SCN9A: variants seen among roughly 807,000 people sequenced by gnomAD.
SCN9A encodes sodium voltage-gated channel alpha subunit 9.
In SCN9A, 131 loss-of-function variants were observed where a neutral mutation model predicts 187.0. The observed-to-expected ratio is 0.70, with a 90% CI of 0.61 to 0.81. SCN9A has a LOEUF of 0.81. Ranked by LOEUF, SCN9A falls within the 30% of genes least tolerant of loss-of-function variation. The probability of loss-of-function intolerance (pLI) is 0.00; values close to 1 mark genes in which losing one functional copy is unlikely to be tolerated. For synonymous variants in SCN9A, 809 were observed against 808.6 expected (o/e 1.00, Z -0.01); for missense variants, 2,252 against 2,396.6 (o/e 0.94, Z 1.26).
chr2:166,358,162 T>C (rs909208873), intron 1 of SCN9A, among the ~76,000 whole-genome samples: 1 of 151,600 alleles, frequency 6.6e-6, no homozygotes, highest in Non-Finnish European at 1.5e-5. Context: ...ATCTGCCTCC[T>C]GGGTTCAAGC....
chr2:166,340,004 G>A (rs892340104), intron 1 of SCN9A, among the ~76,000 whole-genome samples: 3 of 152,100 alleles, frequency 2.0e-5, no homozygotes, highest in East Asian at 3.9e-4. Flanking sequence ...GAAGTTACAC[G>A]GGTAGTCTGT....
chr2:166,295,815 A>G (rs1011029731), intron 7 of SCN9A, among the ~76,000 whole-genome samples: 6 of 152,296 alleles, frequency 3.9e-5, no homozygotes, highest in African/African-American at 1.4e-4. Flanking sequence ...CAGATTTTCC[A>G]TGTTTCACCT....
At chr2:166,348,243 T>C (rs1380641436) in intron 1 of SCN9A, among the ~76,000 whole-genome samples, 1 of 129,914 alleles carries the variant, frequency 7.7e-6, no homozygotes, top group East Asian at 2.1e-4. Context: ...TCTTCCAACA[T>C]TAAAAAAAAA....
intron 1 of SCN9A, among the ~76,000 whole-genome samples, chr2:166,351,752 A>G (rs1225180087): frequency 6.6e-6 from 1 of 152,162 alleles, no homozygotes. Flanking sequence ...GGCTAACTTT[A>G]ATTACTATAG....
Position 166,257,038 on chromosome 2 carries a change from T to C in SCN9A, c.3352-5153A>G, listed in dbSNP as rs77501344. On this transcript the variant is annotated intron_variant, in intron 17 of 26. Transcript: ENST00000642356. ...CCTATAGTATCATCTTGAAGCATCTTTCTAATGAAAAGAAGAGAAGCAAAG... is the reference window on the plus strand; with the variant it reads ...CCTATAGTATCATCTTGAAGCATCTCTCTAATGAAAAGAAGAGAAGCAAAG... Among the ~76,000 whole-genome samples, 1,103 of 151,750 alleles carry C rather than the reference T, an allele frequency of 7.3e-3. 13 individuals are homozygous for C. Among genetic ancestry groups the C allele is most frequent in the Non-Finnish European group, 0.013 (911 of 67,738 alleles).
In SCN9A at chr2:166,311,985, C is replaced by T. The variant is rs537109464; in HGVS notation, c.-50-179G>A. ...CAGGCAATGGGCGGGACTTATCTTT[C>T]GTGCCTTCTAACCATCTTTATACTC... On this transcript the variant is annotated intron_variant, in intron 1 of 26. Coordinates refer to ENST00000642356, the MANE Select transcript of SCN9A (RefSeq NM_001365536.1). Among the ~76,000 whole-genome samples, 11 of 152,220 alleles carry T rather than the reference C, an allele frequency of 7.2e-5. No individual in the cohort carries two copies. The South Asian group carries it at 1.9e-3, about 26-fold the overall frequency.
chr2:166,233,457 A>T lies in SCN9A; in HGVS notation c.3807T>A (p.Ser1269=), dbSNP rs1272510761. 8 of 1,565,090 alleles carry T rather than the reference A, an allele frequency of 5.1e-6. No individual in the cohort carries two copies. Among genetic ancestry groups the T allele is most frequent in the Non-Finnish European group, 5.1e-6 (6 of 1,165,270 alleles). Residue 1269 remains serine (S), a synonymous_variant, in exon 21 of 27, where the codon TCT becomes TCA. Coordinates refer to ENST00000642356, the MANE Select transcript of SCN9A (RefSeq NM_001365536.1). ...GAGTGTTTGCCACTAAAGTAACCAA[A>T]GAAACCTATAAAAATAACATTTTCA... ...CWLDFLIVDV[S]LVTLVANTLG...
chr2:166,302,409 G>A (rs1332694480), intron 7 of SCN9A: 1 of 152,128 alleles, frequency 6.6e-6, no homozygotes, highest in East Asian at 1.9e-4. Context: ...ATGATCTCAT[G>A]TGGTACCTAC....
chr2:166,229,028 A>C (rs1346802691), intron 21 of SCN9A, 56 bp from the exon 22 acceptor site: 1 of 1,368,796 alleles, frequency 7.3e-7, no homozygotes, highest in African/African-American at 1.4e-5. Context: ...TTAAATAGGC[A>C]ACATGAAAGA....
At position 166,293,347 on chromosome 2, in the gene SCN9A, C is replaced by G; in HGVS notation, c.991G>C (p.Val331Leu). 6.2e-7 allele frequency: 1 copy of G among 1,609,562 alleles called. No individual in the cohort carries two copies. Among genetic ancestry groups the G allele is most frequent in the Non-Finnish European group, 8.5e-7 (1 of 1,177,848 alleles). The stretch of plus-strand genomic sequence containing the variant: ...TAATCAGGGTTTCTGCCAATTTTCA[C>G]ACAGGTGTACCCCTCTGGACACTGA... ...SGQCPEGYTC[V>L]KIGRNPDYGY... Residue 331 changes from valine to leucine, a missense_variant, in exon 9 of 27, where the codon GTG becomes CTG. Val to Leu is a conservative substitution (Grantham distance 32). This residue lies in a region of SCN9A where 1,013 missense variants were observed against 997.4 expected (regional missense o/e 1.02). Transcript: ENST00000642356.
chr2:166,329,568 G>GA (rs1404866541), intron 1 of SCN9A, among the ~76,000 whole-genome samples: 1 of 149,084 alleles, frequency 6.7e-6, no homozygotes, highest in Non-Finnish European at 1.5e-5. Flanking sequence ...GTTATTGTTG[G>GA]GGGGGGGTTG....
intron 1 of SCN9A, among the ~76,000 whole-genome samples, chr2:166,367,790 AG>A (rs1456368221): frequency 6.6e-6 from 1 of 152,194 alleles, no homozygotes; most frequent in Admixed American, 6.5e-5. Context: ...TTAAATGCAT[AG>A]GTACTCTTTT....
At chr2:166,238,303 A>G (rs924474131) in intron 19 of SCN9A, 36 bp from the exon 20 acceptor site, 7 of 1,310,420 alleles carry the variant, frequency 5.3e-6, no homozygotes, top group Non-Finnish European at 7.4e-6. Flanking sequence ...ATCATGCACA[A>G]CTTAAGCTTC....
intron 7 of SCN9A, among the ~76,000 whole-genome samples, chr2:166,300,637 T>A (rs1363571522): frequency 6.6e-6 from 1 of 150,924 alleles, no homozygotes; most frequent in Admixed American, 6.6e-5. Context: ...GGAAACCATG[T>A]AATAAACGCA....
At position 166,198,536 on chromosome 2, in the gene SCN9A, A is replaced by T. The variant is rs1177908841; in HGVS notation, c.*136T>A. ...CTAATGCTGCCCACCTTTCTTAGGA[A>T]ATCAGAGTTAGTGACTGCACTGCCT... is the stretch of plus-strand genomic sequence containing the variant. On this transcript the variant is annotated 3_prime_UTR_variant, in exon 27 of 27. Transcript: ENST00000642356. 4.6e-6 allele frequency: 3 copies of T among 651,832 alleles called. No homozygotes were observed. The highest frequency in any genetic ancestry group is 5.5e-5 in the East Asian group (2 of 36,542). The allele number at this position is 651,832 out of a possible 1,614,324, so 40.4% of individuals were successfully genotyped here.
chr2:166,368,982 G>C (rs1006190945), intron 1 of SCN9A, among the ~76,000 whole-genome samples: 8 of 148,540 alleles, frequency 5.4e-5, no homozygotes, highest in African/African-American at 2.0e-4. Flanking sequence ...AGTGAAACTC[G>C]GTCTCAAAAA....
At chr2:166,242,021 G>C (rs139941281) in intron 19 of SCN9A, among the ~76,000 whole-genome samples, 1 of 152,230 alleles carries the variant, frequency 6.6e-6, no homozygotes. Context: ...TATAGCTTCT[G>C]AGGAAACCTG....
At chr2:166,289,761 C>T (rs1261945780) in intron 9 of SCN9A, among the ~76,000 whole-genome samples, 1 of 152,134 alleles carries the variant, frequency 6.6e-6, no homozygotes, top group Admixed American at 6.5e-5. Context: ...CTCCTACCAA[C>T]AGTTTAAAAG....
intron 17 of SCN9A, among the ~76,000 whole-genome samples, chr2:166,256,138 A>G (rs1038744237): frequency 6.6e-6 from 1 of 151,266 alleles, no homozygotes; most frequent in Non-Finnish European, 1.5e-5. Flanking sequence ...TAGAACAAAA[A>G]TAACCTTTCT....
Sources: gnomAD v4.1 joint callset for allele counts (sites outside exome capture counted in the v4.1 genomes callset) on GRCh38, gnomAD v4.1.1 for gene constraint, gnomAD v4.1.1 regional missense constraint, MANE v1.5 for transcripts, NCBI Gene and HGNC (gene_info 2026-07-23, HGNC 2026-07-21) for gene names.